LTBP1: variants seen among roughly 807,000 people sequenced by gnomAD.
The protein encoded by LTBP1 is latent-transforming growth factor beta-binding protein 1.
A neutral mutation model predicts 207.6 loss-of-function variants in LTBP1; 129 were observed. The observed-to-expected ratio is 0.62, with a 90% confidence interval of 0.54 to 0.72. The LOEUF (loss-of-function observed/expected upper bound fraction) is 0.72. Ranked by LOEUF, LTBP1 falls within the 30% of genes least tolerant of loss-of-function variation. LTBP1 has a pLI of 0.00. For synonymous variants in LTBP1, 963 were observed against 833.7 expected, an observed-to-expected ratio of 1.16 and a Z score of -2.67; for missense variants, 2,281 against 2,217.2, an observed-to-expected ratio of 1.03 and a Z score of -0.58.
At chr2:33,167,208 T>A (rs1434834682) in intron 5 of LTBP1, among the ~76,000 whole-genome samples, 2 of 152,184 alleles carry the variant, frequency 1.3e-5, no homozygotes, top group African/African-American at 4.8e-5. Context: ...AAAGAATCAA[T>A]AAAAGTGAAT....
intron 9 of LTBP1, among the ~76,000 whole-genome samples, chr2:33,228,999 C>T (rs2091632010): frequency 6.6e-6 from 1 of 151,966 alleles, no homozygotes; most frequent in Non-Finnish European, 1.5e-5. Context: ...GTACCCGGCC[C>T]TAACCAGGGT....
chr2:32,972,580 A>T (rs1040467360), intron 2 of LTBP1, among the ~76,000 whole-genome samples: 3 of 152,020 alleles, frequency 2.0e-5, no homozygotes, highest in South Asian at 2.1e-4. Flanking sequence ...TTGTATGGTG[A>T]TATGGTTTAG....
In LTBP1 at chr2:33,102,370, A is replaced by G. The variant is rs568973983; in HGVS notation, c.864-8212A>G. Among the ~76,000 whole-genome samples, 3 of 152,254 alleles carry G rather than the reference A, an allele frequency of 2.0e-5. 1 individual carries two copies. The South Asian group carries it at 6.2e-4, about 32-fold the overall frequency. ...CAGGCTGCCATCTCCAAGTCTTGAC[A>G]CTTAAAAATGTCTCCAGACATTGCC... On this transcript the variant is annotated intron_variant, in intron 3 of 33. Coordinates refer to ENST00000404816, the MANE Select transcript of LTBP1 (RefSeq NM_206943.4).
At position 33,098,512 on chromosome 2, in the gene LTBP1, A is replaced by G. The variant is rs377356297; in HGVS notation, c.864-12070A>G. Among the ~76,000 whole-genome samples the G allele has an allele frequency of 4.6e-5, 7 of 152,062 alleles. No individual in the cohort carries two copies. The East Asian group carries it at 1.4e-3, about 29-fold the overall frequency. ...CAGTGGTGCGATCTCGGCTCACTGCAACTTCTGCCTCCTGAGTTCTAGTGA... is the reference window on the plus strand; with the variant it reads ...CAGTGGTGCGATCTCGGCTCACTGCGACTTCTGCCTCCTGAGTTCTAGTGA... On this transcript the variant is annotated intron_variant, in intron 3 of 33. Coordinates refer to ENST00000404816, the MANE Select transcript of LTBP1 (RefSeq NM_206943.4).
chr2:33,250,995 T>TAAC (rs2092667776), intron 10 of LTBP1, among the ~76,000 whole-genome samples: 1 of 152,170 alleles, frequency 6.6e-6, no homozygotes, highest in Non-Finnish European at 1.5e-5. Context: ...CCTGCCTGGC[T>TAAC]AACTGCTATC....
intron 3 of LTBP1, among the ~76,000 whole-genome samples, chr2:33,036,777 A>T (rs78193310): frequency 0.018 from 2,798 of 152,262 alleles, 92 homozygotes; most frequent in African/African-American, 0.064. Context: ...ACATTTTTCT[A>T]CAAGTCTTCT....
chr2:33,254,852 G>GTTTTTTTTTTTTTTT (rs70938393), intron 11 of LTBP1, among the ~76,000 whole-genome samples: 6 of 10,362 alleles, frequency 5.8e-4, no homozygotes, highest in Non-Finnish European at 8.8e-4. Context: ...GCGGTGTTTG[G>GTTTTTTTTTTTTTTT]TTTTTTTTTT....
At chr2:33,241,645 G>A (rs1339266777) in intron 9 of LTBP1, among the ~76,000 whole-genome samples, 1 of 152,214 alleles carries the variant, frequency 6.6e-6, no homozygotes, top group Non-Finnish European at 1.5e-5. Context: ...AGGCCATTCA[G>A]GGGAAGAGGA....
intron 5 of LTBP1, among the ~76,000 whole-genome samples, chr2:33,167,912 C>G (rs530731172): frequency 1.0e-3 from 158 of 152,254 alleles, no homozygotes; most frequent in African/African-American, 3.8e-3. Context: ...ATTAGTTAAG[C>G]AGGAAATTGA....
chr2:33,328,133 C>A (rs2094450266), intron 24 of LTBP1, among the ~76,000 whole-genome samples: 1 of 52,094 alleles, frequency 1.9e-5, no homozygotes, highest in Non-Finnish European at 4.4e-5. Context: ...GAGACTCTGT[C>A]TCAATAAATA....
intron 21 of LTBP1, 90 bp downstream of exon 21, chr2:33,300,663 A>T: frequency 8.2e-6 from 11 of 1,339,510 alleles, no homozygotes; most frequent in Non-Finnish European, 1.1e-5. Flanking sequence ...TTTACCTTTT[A>T]AAAATTACCC....
Position 33,188,687 on chromosome 2 carries a change from G to T in LTBP1, c.1537G>T (p.Glu513Ter). 1 of 1,614,098 alleles carries T rather than the reference G, an allele frequency of 6.2e-7. No homozygotes were observed. Among genetic ancestry groups the T allele is most frequent in the Non-Finnish European group, 8.5e-7 (1 of 1,180,020 alleles). Reference sequence around the variant, plus strand: ...TGGCCCAACAGGCCAGAAGACAAAAGAAGCTCAACCAGGCCAATCCCAAGT... The same window carrying T: ...TGGCCCAACAGGCCAGAAGACAAAATAAGCTCAACCAGGCCAATCCCAAGT... Reference protein sequence around the residue: ...IDGPTGQKTKEAQPGQSQVSY... With the variant: ...IDGPTGQKTK Residue 513 changes from glutamate (E) to a stop codon, truncating the protein, a stop_gained, in exon 7 of 34, where the codon GAA (glutamate) becomes TAA (stop). Transcript: ENST00000404816. LOFTEE classifies it high-confidence loss of function.
chr2:32,977,352 C>T (rs531233661), intron 2 of LTBP1, among the ~76,000 whole-genome samples: 3 of 152,332 alleles, frequency 2.0e-5, no homozygotes, highest in East Asian at 1.9e-4. Flanking sequence ...GGGTGTTTCC[C>T]AGTACAGCAG....
intron 3 of LTBP1, among the ~76,000 whole-genome samples, chr2:33,022,797 G>A (rs1444500216): frequency 6.6e-6 from 1 of 152,220 alleles, no homozygotes; most frequent in African/African-American, 2.4e-5. Flanking sequence ...GCCATAGACA[G>A]TGTATGAATT....
chr2:33,000,282 T>G lies in LTBP1; in HGVS notation c.566-20627T>G, dbSNP rs183342865. The stretch of plus-strand genomic sequence containing the variant: ...GTAAACATATCTGAAAGCAATAACT[T>G]AAGCCTACCCTTAGAATGACCCTAT... On this transcript the variant is annotated intron_variant, in intron 2 of 33. Transcript: ENST00000404816. Among the ~76,000 whole-genome samples the G allele has an allele frequency of 6.3e-4, 85 of 134,522 alleles. 14 individuals are homozygous for G. The highest frequency in any genetic ancestry group is 2.0e-3 in the African/African-American group (79 of 38,690). 88.3% of individuals were successfully genotyped at this position (134,522 alleles called of 152,430 possible).
intron 7 of LTBP1, among the ~76,000 whole-genome samples, chr2:33,202,844 G>A (rs898248029): frequency 6.6e-6 from 1 of 152,204 alleles, no homozygotes; most frequent in Non-Finnish European, 1.5e-5. Flanking sequence ...GAGCTGCTGG[G>A]CAGTGACTGG....
At chr2:33,157,576 C>T (rs1281337952) in intron 5 of LTBP1, among the ~76,000 whole-genome samples, 2 of 152,194 alleles carry the variant, frequency 1.3e-5, no homozygotes, top group Non-Finnish European at 2.9e-5. Context: ...CGCTCAGATG[C>T]AGACCCAGGC....
chr2:32,997,546 T>C (rs1685475007), intron 2 of LTBP1, among the ~76,000 whole-genome samples: 1 of 152,188 alleles, frequency 6.6e-6, no homozygotes, highest in East Asian at 1.9e-4. Context: ...ATGCTATTCC[T>C]GAATCAAATG....
intron 23 of LTBP1, among the ~76,000 whole-genome samples, chr2:33,309,891 C>T (rs2094156079): frequency 6.6e-6 from 1 of 151,028 alleles, no homozygotes; most frequent in South Asian, 2.1e-4. Flanking sequence ...TATTTTGTCT[C>T]ATAGGTGGTA....
Sources: gnomAD v4.1 joint callset for allele counts (sites outside exome capture counted in the v4.1 genomes callset) on GRCh38, gnomAD v4.1.1 for gene constraint, MANE v1.5 for transcripts, NCBI Gene and HGNC (gene_info 2026-07-23, HGNC 2026-07-21) for gene names.